Variants in INTS7 observed in about 807,000 individuals in gnomAD.
INTS7 encodes the protein chromosome 1 open reading frame 73.
INTS7 carries 46 observed loss-of-function variants against 109.2 expected under a neutral mutation model. The ratio of observed to expected loss-of-function variants is 0.42; its 90% confidence interval spans 0.33 to 0.54. The LOEUF (loss-of-function observed/expected upper bound fraction) is 0.54. Ranked by LOEUF, INTS7 falls within the 20% of genes least tolerant of loss-of-function variation. INTS7 has a pLI of 0.07. For missense variants in INTS7, 929 were observed against 1,132.4 expected, an observed-to-expected ratio of 0.82 and a Z score of 2.58; for synonymous variants, 412 against 402.9, an observed-to-expected ratio of 1.02 and a Z score of -0.27.
chr1:212,021,220 A>G lies in INTS7; in HGVS notation c.95-8T>C. ...GTTTGCCAGATCTTAGGCCTATGGA[A>G]AAAAAAAAGCACAGAGAGGGAAGAA... On this transcript the variant is annotated splice_region_variant and splice_polypyrimidine_tract_variant and intron_variant, in intron 1 of 19. Coordinates refer to ENST00000366994, the MANE Select transcript of INTS7 (RefSeq NM_015434.4). The G allele has an allele frequency of 6.3e-7, 1 of 1,579,442 alleles. No homozygotes were observed. Among genetic ancestry groups the G allele is most frequent in the Admixed American group, 2.0e-5 (1 of 50,940 alleles).
chr1:211,982,825 A>G lies in INTS7; in HGVS notation c.998-15T>C. The G allele has an allele frequency of 1.3e-6, 2 of 1,593,222 alleles. No individual in the cohort carries two copies. The highest frequency in any genetic ancestry group is 2.3e-5 in the South Asian group (2 of 88,264). Reference sequence around the variant, plus strand: ...ACTCACATTTCCTAAAAAAGCAGAGAAAAGTAGTAGAAATTGTAATTCAAA... The same window carrying G: ...ACTCACATTTCCTAAAAAAGCAGAGGAAAGTAGTAGAAATTGTAATTCAAA... On this transcript the variant is annotated splice_polypyrimidine_tract_variant and intron_variant, in intron 8 of 19. Coordinates refer to ENST00000366994, the MANE Select transcript of INTS7 (RefSeq NM_015434.4).
At position 211,942,232 on chromosome 1, in the gene INTS7, C is replaced by G; in HGVS notation, c.2602-121G>C. The G allele has an allele frequency of 9.7e-7, 1 of 1,034,020 alleles. No individual in the cohort carries two copies. The highest frequency in any genetic ancestry group is 1.4e-6 in the Non-Finnish European group (1 of 703,472). 64.1% of individuals were successfully genotyped at this position (1,034,020 alleles called of 1,614,324 possible). ...GCAGACAATAAAAAATTAGGTACTG[C>G]TATCATCCTTGCTTCACCGATGAGG... On this transcript the variant is annotated intron_variant, in intron 19 of 19. Transcript: ENST00000366994. The surrounding 1 kb of genome is among the most constrained non-coding windows in gnomAD (Gnocchi z 4.2).
chr1:211,975,214 G>A lies in INTS7; in HGVS notation c.1767C>T (p.Cys589=), dbSNP rs758554540. ...GATAGAATTTTAAAGATTCAGCAAT[G>A]CAAGAAAGTGCTGAACTATAATTTT... ...QEENYSSALS[C]IAESLKFYHK... is the part of the protein sequence containing the mutation. Residue 589 remains cysteine, a synonymous_variant, in exon 13 of 20, where the codon TGC becomes TGT. Coordinates refer to ENST00000366994, the MANE Select transcript of INTS7 (RefSeq NM_015434.4). 5.9e-5 allele frequency: 95 copies of A among 1,613,558 alleles called. No individual in the cohort carries two copies. In the South Asian group the frequency reaches 9.6e-4, roughly 16 times the overall value.
intron 12 of INTS7, among the ~76,000 whole-genome samples, chr1:211,975,867 A>G (rs1190337028): frequency 6.6e-6 from 1 of 152,150 alleles, no homozygotes; most frequent in Non-Finnish European, 1.5e-5. Context: ...CTTCTCCCCC[A>G]TTTGAGAAGC....
At chr1:211,975,127 A>G in intron 13 of INTS7, 39 bp downstream of exon 13, 1 of 1,422,834 alleles carries the variant, frequency 7.0e-7, no homozygotes, top group South Asian at 1.2e-5. Context: ...GAACTCTCAC[A>G]TAAATCATCA....
chr1:211,943,299 T>C (rs1044563993), intron 19 of INTS7, among the ~76,000 whole-genome samples: 2 of 151,768 alleles, frequency 1.3e-5, no homozygotes, highest in African/African-American at 4.8e-5. Context: ...TCAATGCCTC[T>C]TGAGAGGTAG....
chr1:212,012,725 A>G (rs1206978715), intron 4 of INTS7, among the ~76,000 whole-genome samples: 1 of 152,248 alleles, frequency 6.6e-6, no homozygotes, highest in African/African-American at 2.4e-5. Context: ...ACAAGTGAAG[A>G]ATCTTGCTGT....
chr1:211,952,842 G>A (rs1357082004), intron 16 of INTS7, 141 bp from the exon 17 acceptor site: 16 of 823,686 alleles, frequency 1.9e-5, no homozygotes, highest in Non-Finnish European at 5.6e-6. Flanking sequence ...GAAAATTGAG[G>A]CTAGGAGAGG....
At chr1:211,970,430 C>T (rs943140896) in intron 13 of INTS7, among the ~76,000 whole-genome samples, 9 of 152,180 alleles carry the variant, frequency 5.9e-5, no homozygotes, top group Non-Finnish European at 1.0e-4. Flanking sequence ...ACTTAAAACA[C>T]GCTGATGCTG....
At chr1:211,998,642 G>C (rs1056267771) in intron 7 of INTS7, among the ~76,000 whole-genome samples, 2 of 150,412 alleles carry the variant, frequency 1.3e-5, no homozygotes, top group African/African-American at 2.4e-5. Flanking sequence ...AGACTTCTTA[G>C]ATAAAATACA....
chr1:211,944,559 A>G (rs559552896), intron 19 of INTS7, among the ~76,000 whole-genome samples: 49 of 152,330 alleles, frequency 3.2e-4, no homozygotes, highest in African/African-American at 1.1e-3. Flanking sequence ...TAAAACTCAT[A>G]TTTTGATCTT....
chr1:211,968,545 C>T lies in INTS7; in HGVS notation c.1978G>A (p.Asp660Asn). The T allele has an allele frequency of 6.2e-7, 1 of 1,613,930 alleles. No homozygotes were observed. Among genetic ancestry groups the T allele is most frequent in the Non-Finnish European group, 8.5e-7 (1 of 1,179,932 alleles). The change falls in exon 14 of 20, where the codon GAC becomes AAC. Residue 660 changes from aspartate to asparagine, a missense_variant. Around this residue, in one of 2 missense-constraint regions of INTS7, gnomAD observed 787 missense variants for 901.1 expected, o/e 0.87. Transcript: ENST00000366994. ...GAGATGCGACCACACCTCTGGAGGT[C>T]ATTTCCTAAGGTCATGGCAATTGTT... ...ATTIAMTLGN[D>N]LQRCGRISNQ...
At chr1:211,966,369 T>A (rs1327660240) in intron 16 of INTS7, 61 bp downstream of exon 16, 5 of 913,846 alleles carry the variant, frequency 5.5e-6, no homozygotes, top group Non-Finnish European at 3.5e-6. Context: ...TTCTGATGAT[T>A]AGGTAAGACA....
At chr1:211,952,375 A>G (rs527864825) in intron 17 of INTS7, 194 bp downstream of exon 17, 1 of 450,304 alleles carries the variant, frequency 2.2e-6, no homozygotes, top group Non-Finnish European at 3.9e-6. Flanking sequence ...GCAGCTAGAG[A>G]TGTGCTAAGT....
chr1:211,962,986 C>T (rs1663707826), intron 16 of INTS7, among the ~76,000 whole-genome samples: 1 of 151,974 alleles, frequency 6.6e-6, no homozygotes, highest in South Asian at 2.1e-4. Context: ...AGCAAATCAA[C>T]CCCAAAGCTA....
intron 16 of INTS7, 76 bp downstream of exon 16, chr1:211,966,354 T>C (rs1489046632): frequency 3.6e-6 from 3 of 840,966 alleles, no homozygotes; most frequent in African/African-American, 1.7e-5. Context: ...AGCTCCAAAA[T>C]AGTCTTCTGA....
intron 12 of INTS7, among the ~76,000 whole-genome samples, chr1:211,976,081 C>T (rs1346714641): frequency 1.3e-5 from 2 of 152,022 alleles, no homozygotes; most frequent in Admixed American, 6.6e-5. Flanking sequence ...GGATTACATG[C>T]GTGAGCCACC....
At chr1:212,013,355 A>G (rs1463020423) in intron 4 of INTS7, among the ~76,000 whole-genome samples, 1 of 152,208 alleles carries the variant, frequency 6.6e-6, no homozygotes, top group African/African-American at 2.4e-5. Flanking sequence ...CTTATAGAAT[A>G]AGGATATAAA....
In INTS7 at chr1:212,020,297, C is replaced by CT. The variant is rs778129294; in HGVS notation, c.225-30dup. On this transcript the variant is annotated intron_variant, in intron 2 of 19. Coordinates refer to ENST00000366994, the MANE Select transcript of INTS7 (RefSeq NM_015434.4). ...GAAAAACCAGAAATAAATTAGGTCA[C>CT]TTTAGAAAGTAATATTTAATTAGGA... The CT allele has an allele frequency of 2.2e-6, 3 of 1,378,552 alleles. No individual in the cohort carries two copies. In the African/African-American group the frequency reaches 4.4e-5, roughly 20 times the overall value. The allele number at this position is 1,378,552 out of a possible 1,614,324, so 85.4% of individuals were successfully genotyped here. A position where few individuals can be genotyped will look rare whatever the true frequency, so the allele number is the denominator to read the frequency against.
Sources: allele counts gnomAD v4.1 joint callset (sites outside exome capture counted in the v4.1 genomes callset), GRCh38; gene constraint gnomAD v4.1.1; regional missense constraint gnomAD v4.1.1; non-coding constraint Gnocchi (gnomAD v3.1); transcripts MANE v1.5; gene names NCBI Gene and HGNC (gene_info 2026-07-23, HGNC 2026-07-21).